The following TMEM178B variants were observed in gnomAD, a reference collection of about 807,000 sequenced individuals.
The protein encoded by TMEM178B is transmembrane protein 178B.
A neutral mutation model predicts 31.0 loss-of-function variants in TMEM178B; 5 were observed. That is an observed-to-expected ratio of 0.16 (90% CI 0.08 to 0.34). The LOEUF (loss-of-function observed/expected upper bound fraction) is 0.34. TMEM178B is among the 10% of genes least tolerant of loss of function. The pLI is 1.00. For missense variants in TMEM178B, 275 were observed against 400.3 expected (o/e 0.69, Z 2.67); for synonymous variants, 164 against 164.0 (o/e 1.00, Z 0.00).
chr7:141,155,997 G>A lies in TMEM178B; in HGVS notation c.383-56594G>A, dbSNP rs147126926. Among the ~76,000 whole-genome samples, 878 of 152,184 alleles carry A rather than the reference G, an allele frequency of 5.8e-3. 12 individuals carry two copies. The highest frequency in any genetic ancestry group is 0.018 in the African/African-American group (753 of 41,514). On this transcript the variant is annotated intron_variant, in intron 1 of 3. Coordinates refer to ENST00000565468, the MANE Select transcript of TMEM178B (RefSeq NM_001195278.2). ...GGAGAATCGCTTGAACCCAGGAGGCGGAGGCTGCAGTGAGCCGAGATCGTA... is the reference window on the plus strand; with the variant it reads ...GGAGAATCGCTTGAACCCAGGAGGCAGAGGCTGCAGTGAGCCGAGATCGTA...
At chr7:141,418,432 C>T (rs1801139279) in intron 2 of TMEM178B, among the ~76,000 whole-genome samples, 2 of 152,154 alleles carry the variant, frequency 1.3e-5, no homozygotes, top group East Asian at 3.9e-4. Context: ...AACCATGCTT[C>T]CTATCATTAG....
Position 141,297,443 on chromosome 7 carries a change from G to C in TMEM178B, c.496+84739G>C, listed in dbSNP as rs182623377. On this transcript the variant is annotated intron_variant, in intron 2 of 3. Coordinates refer to ENST00000565468, the MANE Select transcript of TMEM178B (RefSeq NM_001195278.2). ...ACATATGTATACATGTGCAATGTTGGTGTGCTGCACCCATTAACTCGTCAT... is the reference window on the plus strand; with the variant it reads ...ACATATGTATACATGTGCAATGTTGCTGTGCTGCACCCATTAACTCGTCAT... Among the ~76,000 whole-genome samples the C allele has an allele frequency of 1.4e-3, 212 of 152,204 alleles. 1 individual carries two copies. The highest frequency in any genetic ancestry group is 3.4e-3 in the Middle Eastern group (1 of 294).
chr7:141,257,737 AT>A (rs1215214411), intron 2 of TMEM178B, among the ~76,000 whole-genome samples: 7 of 151,900 alleles, frequency 4.6e-5, no homozygotes, highest in Admixed American at 4.6e-4. Flanking sequence ...TTTATCTTTT[AT>A]TTTTAAATTT....
intron 2 of TMEM178B, among the ~76,000 whole-genome samples, chr7:141,222,170 G>C (rs1026901635): frequency 6.6e-6 from 1 of 152,184 alleles, no homozygotes; most frequent in African/African-American, 2.4e-5. Flanking sequence ...TATAGATTTG[G>C]TAATTTACTT....
chr7:141,202,650 G>T (rs771666322), intron 1 of TMEM178B, among the ~76,000 whole-genome samples: 76 of 152,320 alleles, frequency 5.0e-4, no homozygotes, highest in Non-Finnish European at 8.5e-4. Context: ...CCTTCTTTCT[G>T]GCTGGGCCTG....
At chr7:141,320,160 C>A (rs2116472198) in intron 2 of TMEM178B, among the ~76,000 whole-genome samples, 1 of 152,230 alleles carries the variant, frequency 6.6e-6, no homozygotes, top group East Asian at 1.9e-4. Context: ...GCCTTGCTTC[C>A]CCTCTGTCTT....
the TMEM178B span, among the ~76,000 whole-genome samples, chr7:141,508,768 C>T: frequency 6.6e-6 from 1 of 152,306 alleles, no homozygotes; most frequent in African/African-American, 2.4e-5. Flanking sequence ...GAGAATCGCA[C>T]AGGAAAGACT....
intron 3 of TMEM178B, among the ~76,000 whole-genome samples, chr7:141,443,381 A>G (rs1401717860): frequency 6.6e-6 from 1 of 152,146 alleles, no homozygotes; most frequent in African/African-American, 2.4e-5. Flanking sequence ...ACTGCACGTC[A>G]TTCTCGAGTC....
intron 1 of TMEM178B, 137 bp from the exon 2 acceptor site, chr7:141,212,449 TGAAGG>T: frequency 1.5e-6 from 1 of 647,126 alleles, no homozygotes; most frequent in African/African-American, 1.8e-5. Flanking sequence ...CTTTTTGAGT[TGAAGG>T]TATTGTCTTT....
At chr7:141,108,558 C>T (rs1002200368) in intron 1 of TMEM178B, among the ~76,000 whole-genome samples, 1 of 152,170 alleles carries the variant, frequency 6.6e-6, no homozygotes, top group African/African-American at 2.4e-5. Context: ...GCAAGATCAT[C>T]ACCCAAGAGT....
chr7:141,331,541 A>C (rs140881979), intron 2 of TMEM178B, among the ~76,000 whole-genome samples: 15 of 152,324 alleles, frequency 9.8e-5, no homozygotes, highest in Admixed American at 3.3e-4. Context: ...CTTGATAAGA[A>C]GAGTTTAGGG....
intron 1 of TMEM178B, among the ~76,000 whole-genome samples, chr7:141,145,483 C>A (rs188962235): frequency 6.6e-6 from 1 of 152,218 alleles, no homozygotes; most frequent in African/African-American, 2.4e-5. Flanking sequence ...TTTCTAGGAA[C>A]AGAAAGATGG....
At chr7:141,341,323 C>T (rs530288198) in intron 2 of TMEM178B, among the ~76,000 whole-genome samples, 22 of 152,240 alleles carry the variant, frequency 1.4e-4, no homozygotes, top group South Asian at 8.3e-4. Context: ...ACTTAGTGAG[C>T]GCTTTGGTTT....
At chr7:141,337,748 C>T (rs1380940714) in intron 2 of TMEM178B, among the ~76,000 whole-genome samples, 1 of 152,212 alleles carries the variant, frequency 6.6e-6, no homozygotes, top group East Asian at 1.9e-4. Context: ...ACAGTGAGGC[C>T]CATGGGGCTC....
At chr7:141,437,810 G>A in intron 3 of TMEM178B, 65 bp downstream of exon 3, 5 of 1,529,442 alleles carry the variant, frequency 3.3e-6, no homozygotes, top group Non-Finnish European at 3.5e-6. Context: ...AATTTGGGGA[G>A]AATGGCCAGA....
rs184972408 is a variant in TMEM178B, at chr7:141,153,712, G to C, written c.383-58879G>C. On this transcript the variant is annotated intron_variant, in intron 1 of 3. Transcript: ENST00000565468. The stretch of plus-strand genomic sequence containing the variant: ...CAATGGACACTTTTTATATGTATTG[G>C]TCACTTGTTTTTCTGTGAATTGCCT... Among the ~76,000 whole-genome samples the C allele has an allele frequency of 2.6e-5, 4 of 152,096 alleles. No homozygotes were observed. In the East Asian group the frequency reaches 7.7e-4, roughly 29 times the overall value.
At chr7:141,287,580 A>G (rs1321432340) in intron 2 of TMEM178B, among the ~76,000 whole-genome samples, 2 of 152,216 alleles carry the variant, frequency 1.3e-5, no homozygotes, top group Non-Finnish European at 2.9e-5. Flanking sequence ...CACCAGTTTC[A>G]TAATTAATTC....
chr7:141,348,683 G>A (rs1443475682), intron 2 of TMEM178B, among the ~76,000 whole-genome samples: 2 of 152,166 alleles, frequency 1.3e-5, no homozygotes. Flanking sequence ...AGGTTACAAA[G>A]AAATCAGAAT....
At chr7:141,264,552 T>A (rs1798064425) in intron 2 of TMEM178B, among the ~76,000 whole-genome samples, 1 of 152,184 alleles carries the variant, frequency 6.6e-6, no homozygotes. Flanking sequence ...TATGAAGAAG[T>A]GTGCTGAAAG....
Sources: allele counts gnomAD v4.1 joint callset (sites outside exome capture counted in the v4.1 genomes callset), GRCh38; gene constraint gnomAD v4.1.1; transcripts MANE v1.5; gene names NCBI Gene and HGNC (gene_info 2026-07-23, HGNC 2026-07-21).